Variants in ROBO4 observed in about 807,000 individuals in gnomAD.
ROBO4 encodes roundabout guidance receptor 4.
ROBO4 carries 80 observed loss-of-function variants against 103.3 expected under a neutral mutation model. The observed-to-expected ratio is 0.77, with a 90% CI of 0.65 to 0.93. The LOEUF (loss-of-function observed/expected upper bound fraction) is 0.93, where lower values mean the gene tolerates loss of function less well. Among genes scored for constraint, ROBO4 ranks in the 40% least tolerant of loss-of-function variants. The pLI, the probability that ROBO4 is intolerant of heterozygous loss-of-function variation, is 0.00. For missense variants in ROBO4, 1,333 were observed against 1,305.3 expected, an observed-to-expected ratio of 1.02 and a Z score of -0.33; for synonymous variants, 504 against 529.7, an observed-to-expected ratio of 0.95 and a Z score of 0.67.
At chr11:124,884,987 C>T in intron 17 of ROBO4, 54 bp downstream of exon 17, 1 of 1,613,072 alleles carries the variant, frequency 6.2e-7, no homozygotes, top group Non-Finnish European at 8.5e-7. Flanking sequence ...CTGGCTTCTT[C>T]CCAGAGGCCC....
At chr11:124,897,623 G>C in intron 1 of ROBO4, 103 bp downstream of exon 1, 1 of 945,868 alleles carries the variant, frequency 1.1e-6, no homozygotes, top group Non-Finnish European at 1.7e-6. Flanking sequence ...CCTCATCTCT[G>C]GTCCCCCCAC....
rs577574979 is a variant in ROBO4 at position 124,896,057 on chromosome 11, C to G, written c.679+141G>C. 3.2e-4 allele frequency: 484 copies of G among 1,520,898 alleles called. 1 individual carries two copies. The highest frequency in any genetic ancestry group is 4.0e-4 in the Non-Finnish European group (451 of 1,126,394). The allele number at this position is 1,520,898 out of a possible 1,614,324, so 94.2% of individuals were successfully genotyped here. A position where few individuals can be genotyped will look rare whatever the true frequency, so the allele number is the denominator to read the frequency against. On this transcript the variant is annotated intron_variant, in intron 4 of 17. Transcript: ENST00000306534. The stretch of plus-strand genomic sequence containing the variant: ...TTGAGCATTCCGATTTCTACTCTAG[C>G]AGGGGGGAACCTCCCGCTACGTGAG...
Position 124,897,281 on chromosome 11 carries a change from G to C in ROBO4, c.71-20C>G, listed in dbSNP as rs558783527. 1.4e-6 allele frequency: 2 copies of C among 1,422,772 alleles called. No individual in the cohort carries two copies. The highest frequency in any genetic ancestry group is 1.5e-5 in the South Asian group (1 of 66,712). 88.1% of individuals were successfully genotyped at this position (1,422,772 alleles called of 1,614,324 possible). A position where few individuals can be genotyped will look rare whatever the true frequency, so the allele number is the denominator to read the frequency against. On this transcript the variant is annotated intron_variant, in intron 1 of 17. Coordinates refer to ENST00000306534, the MANE Select transcript of ROBO4 (RefSeq NM_019055.6). ...TGCCTCCTGGGAGGGAAAGGGAGCA[G>C]AGCCCAGTCTGATCACCAGCAACAC...
chr11:124,885,365 C>A, intron 16 of ROBO4, 118 bp from the exon 17 acceptor site: 1 of 759,610 alleles, frequency 1.3e-6, no homozygotes, highest in Non-Finnish European at 2.1e-6. Flanking sequence ...CATAACCTAA[C>A]CCCAACTCAG....
At chr11:124,890,679 T>C (rs1294182824) in intron 12 of ROBO4, among the ~76,000 whole-genome samples, 1 of 152,216 alleles carries the variant, frequency 6.6e-6, no homozygotes, top group Non-Finnish European at 1.5e-5. Context: ...ACCTAGTATA[T>C]AGCAATTGAT....
In ROBO4 at chr11:124,897,103, G is replaced by T; in HGVS notation, c.229C>A (p.Pro77Thr). 6.3e-7 allele frequency: 1 copy of T among 1,599,300 alleles called. No homozygotes were observed. Among genetic ancestry groups the T allele is most frequent in the Non-Finnish European group, 8.5e-7 (1 of 1,171,422 alleles). ...LNGQPLSMVP[P>T]DPHHLLPDGT... Reference sequence around the variant, plus strand: ...TCAGGCAGGAGGTGGTGTGGGTCTGGGGGCACCATGCTCAGGGGCTGCCCA... The same window carrying T: ...TCAGGCAGGAGGTGGTGTGGGTCTGTGGGCACCATGCTCAGGGGCTGCCCA... The change falls in exon 2 of 18, where the codon CCA (proline) becomes ACA (threonine). Residue 77 changes from proline (P) to threonine (T), a missense_variant. Transcript: ENST00000306534.
chr11:124,893,121 C>T (rs1946824689), intron 10 of ROBO4: 1 of 157,358 alleles, frequency 6.4e-6, no homozygotes, highest in South Asian at 1.9e-4. Context: ...ACAACGGGAG[C>T]AAGAAGGATG....
Position 124,896,562 on chromosome 11 carries a change from G to A in ROBO4, c.509C>T (p.Ser170Leu). 1.2e-6 allele frequency: 2 copies of A among 1,614,166 alleles called. No homozygotes were observed. Among genetic ancestry groups the A allele is most frequent in the East Asian group, 2.2e-5 (1 of 44,872 alleles). ...CAGGGGTTTCCCATCTTTCCACCAT[G>A]AGACTGTGGGCTCTGGGTGGCCCCA... ...PPWGHPEPTV[S>L]WWKDGKPLAL... Residue 170 changes from serine (S) to leucine (L), a missense_variant, in exon 3 of 18, where the codon TCA becomes TTA. By Grantham distance (145) the Ser-to-Leu change is moderately radical. Transcript: ENST00000306534.
Position 124,887,760 on chromosome 11 carries a change from C to T in ROBO4, c.2029G>A (p.Gly677Ser). The T allele has an allele frequency of 6.2e-7, 1 of 1,614,020 alleles. No individual in the cohort carries two copies. The highest frequency in any genetic ancestry group is 8.5e-7 in the Non-Finnish European group (1 of 1,179,936). ...GGGCTTTGGGAAAGGTTCTTGGAAC[C>T]TCTATTTCCTAACTCACAGGCCCGG... Reference protein sequence around the residue: ...ELRACELGNRGSKNLSQSPGA... With the variant: ...ELRACELGNRSSKNLSQSPGA... Residue 677 changes from glycine to serine, a missense_variant, in exon 13 of 18, where the codon GGT (glycine) becomes AGT (serine). Transcript: ENST00000306534.
Position 124,887,795 on chromosome 11 carries a change from G to A in ROBO4, c.1994C>T (p.Ser665Phe). The A allele has an allele frequency of 6.2e-7, 1 of 1,614,020 alleles. No individual in the cohort carries two copies. Among genetic ancestry groups the A allele is most frequent in the Non-Finnish European group, 8.5e-7 (1 of 1,179,972 alleles). Residue 665 changes from serine (S) to phenylalanine (F), a missense_variant, in exon 13 of 18, where the codon TCC becomes TTC. Ser to Phe is a radical substitution (Grantham distance 155). Coordinates refer to ENST00000306534, the MANE Select transcript of ROBO4 (RefSeq NM_019055.6). ...NSSPLLRGSH[S>F]LELRACELGN... Reference sequence around the variant, plus strand: ...TAACTCACAGGCCCGGAGCTCCAAGGAGTGGCTGCCCCGGAGCAGTGGGGA... The same window carrying A: ...TAACTCACAGGCCCGGAGCTCCAAGAAGTGGCTGCCCCGGAGCAGTGGGGA...
chr11:124,885,337 C>T, intron 16 of ROBO4, 90 bp from the exon 17 acceptor site: 1 of 1,080,338 alleles, frequency 9.3e-7, no homozygotes, highest in Non-Finnish European at 1.4e-6. Flanking sequence ...CAGCTCAGGG[C>T]ATGTACCCAG....
rs1197701699 is a variant in ROBO4, at chr11:124,886,667, A to T, written c.2591T>A (p.Leu864His). ...GVLLCPPRPCLTPTPSEGSLA... is the reference protein window; with the variant it reads ...GVLLCPPRPCHTPTPSEGSLA... ...GGAGCCCTCGCTGGGGGTGGGGGTGAGGCAGGGCCGAGGTGGGCACAGCAA... is the reference window on the plus strand; with the variant it reads ...GGAGCCCTCGCTGGGGGTGGGGGTGTGGCAGGGCCGAGGTGGGCACAGCAA... Residue 864 changes from leucine (L) to histidine (H), a missense_variant, in exon 16 of 18, where the codon CTC becomes CAC. Leu to His is a moderately conservative substitution (Grantham distance 99, BLOSUM62 -3). Coordinates refer to ENST00000306534, the MANE Select transcript of ROBO4 (RefSeq NM_019055.6). 6.2e-7 allele frequency: 1 copy of T among 1,613,518 alleles called. No homozygotes were observed. The highest frequency in any genetic ancestry group is 1.3e-5 in the African/African-American group (1 of 74,928).
intron 17 of ROBO4, 48 bp downstream of exon 17, chr11:124,884,993 G>A: frequency 6.2e-7 from 1 of 1,613,346 alleles, no homozygotes; most frequent in Non-Finnish European, 8.5e-7. Context: ...TCTTCCCAGA[G>A]GCCCTCTGGT....
intron 3 of ROBO4, 45 bp from the exon 4 acceptor site, chr11:124,896,363 G>A: frequency 6.2e-7 from 1 of 1,609,740 alleles, no homozygotes; most frequent in Non-Finnish European, 8.5e-7. Flanking sequence ...GTGGGGAGGG[G>A]CTCTGAGCTG....
chr11:124,895,395 GC>G (rs1946868083), intron 6 of ROBO4, 61 bp downstream of exon 6: 5 of 1,502,134 alleles, frequency 3.3e-6, no homozygotes, highest in African/African-American at 2.8e-5. Flanking sequence ...CAGTCCAGGG[GC>G]CCCCAAATAA....
Position 124,896,317 on chromosome 11 carries a change from A to G in ROBO4, c.560T>C (p.Val187Ala). The G allele has an allele frequency of 6.2e-7, 1 of 1,613,846 alleles. No individual in the cohort carries two copies. The highest frequency in any genetic ancestry group is 8.5e-7 in the Non-Finnish European group (1 of 1,179,922). The change falls in exon 4 of 18, where the codon GTG becomes GCG. Residue 187 changes from valine (V) to alanine (A), a missense_variant and splice_region_variant. Val to Ala is a moderately conservative substitution (Grantham distance 64). Coordinates refer to ENST00000306534, the MANE Select transcript of ROBO4 (RefSeq NM_019055.6). ...PLALQPGRHT[V>A]SGGSLLMARA... ...TGCCATCAGCAGGGACCCCCCGGAC[A>G]CCTGTCAGGGCCAGGTTCACTGTGA...
At chr11:124,887,564 C>T (rs540908859) in intron 13 of ROBO4, 65 bp from the exon 14 acceptor site, 207 of 1,599,198 alleles carry the variant, frequency 1.3e-4, no homozygotes, top group African/African-American at 7.1e-4. Context: ...CTCAGCCTGC[C>T]GGCCTGCCCA....
chr11:124,897,858 G>A lies in ROBO4; in HGVS notation c.-63C>T. Reference sequence around the variant, plus strand: ...TGTCCTGCTGCTCTGAGCTCACAGTGAAGAGGGAAGGAGGGGCGGGGTGGG... The same window carrying A: ...TGTCCTGCTGCTCTGAGCTCACAGTAAAGAGGGAAGGAGGGGCGGGGTGGG... On this transcript the variant is annotated 5_prime_UTR_variant, in exon 1 of 18. Transcript: ENST00000306534. 7.4e-7 allele frequency: 1 copy of A among 1,356,082 alleles called. No homozygotes were observed. The highest frequency in any genetic ancestry group is 1.0e-6 in the Non-Finnish European group (1 of 966,884). The allele number at this position is 1,356,082 out of a possible 1,614,324, so 84.0% of individuals were successfully genotyped here. A position where few individuals can be genotyped will look rare whatever the true frequency, so the allele number is the denominator to read the frequency against.
chr11:124,887,575 C>G, intron 13 of ROBO4, 76 bp from the exon 14 acceptor site: 1 of 1,590,582 alleles, frequency 6.3e-7, no homozygotes, highest in Non-Finnish European at 8.6e-7. Context: ...GGCCTGCCCA[C>G]CAGCCCCCTT....
Sources: allele counts gnomAD v4.1 joint callset (sites outside exome capture counted in the v4.1 genomes callset), GRCh38; gene constraint gnomAD v4.1.1; transcripts MANE v1.5; gene names NCBI Gene and HGNC (gene_info 2026-07-23, HGNC 2026-07-21).